Variants in PRKCE observed in about 807,000 individuals in gnomAD.
PRKCE encodes the protein protein kinase C epsilon, also known as protein kinase C epsilon type.
PRKCE carries 16 observed loss-of-function variants against 85.4 expected under a neutral mutation model. The ratio of observed to expected loss-of-function variants is 0.19; its 90% CI spans 0.13 to 0.28. The LOEUF is 0.28. Among genes scored for constraint, PRKCE ranks in the 10% least tolerant of loss-of-function variants. The pLI is 1.00. For synonymous variants in PRKCE, 388 were observed against 371.5 expected (o/e 1.04, Z -0.51); for missense variants, 573 against 975.2 (o/e 0.59, Z 5.49).
At chr2:46,062,102 TC>T (rs1183106106) in intron 10 of PRKCE, among the ~76,000 whole-genome samples, 5 of 152,090 alleles carry the variant, frequency 3.3e-5, no homozygotes, top group Non-Finnish European at 1.5e-5. Context: ...CCTTAGGTGA[TC>T]CACCTGCTTC....
intron 14 of PRKCE, among the ~76,000 whole-genome samples, chr2:46,167,424 A>G (rs1030626643): frequency 2.0e-5 from 3 of 152,134 alleles, no homozygotes; most frequent in African/African-American, 4.8e-5. Flanking sequence ...CAGGAGCCTG[A>G]GGCCAAGGGA....
intron 1 of PRKCE, among the ~76,000 whole-genome samples, chr2:45,764,270 C>T (rs1684735933): frequency 6.6e-6 from 1 of 152,214 alleles, no homozygotes; most frequent in East Asian, 1.9e-4. Flanking sequence ...ATTTAAGTTA[C>T]ACTTCTGCAA....
intron 14 of PRKCE, among the ~76,000 whole-genome samples, chr2:46,165,409 A>C (rs977676945): frequency 6.6e-6 from 1 of 152,198 alleles, no homozygotes; most frequent in Non-Finnish European, 1.5e-5. Context: ...CAGAGCAAGG[A>C]CACACAGTGG....
intron 2 of PRKCE, among the ~76,000 whole-genome samples, chr2:45,954,726 GA>G (rs1411422309): frequency 3.3e-5 from 5 of 152,206 alleles, no homozygotes; most frequent in African/African-American, 1.2e-4. Flanking sequence ...TTACTGTCAA[GA>G]AATGCAAGTA....
intron 1 of PRKCE, among the ~76,000 whole-genome samples, chr2:45,797,494 A>G (rs2105149806): frequency 6.6e-6 from 1 of 152,274 alleles, no homozygotes; most frequent in Non-Finnish European, 1.5e-5. Flanking sequence ...GCCACATCTT[A>G]TGTTTTGCTT....
chr2:45,971,620 C>A (rs1212008152), intron 2 of PRKCE, among the ~76,000 whole-genome samples: 2 of 152,170 alleles, frequency 1.3e-5, no homozygotes, highest in Non-Finnish European at 2.9e-5. Flanking sequence ...AAGACAATCT[C>A]TTTTGAATTA....
rs373450846 is a variant in PRKCE at position 45,963,198 on chromosome 2, G to C, written c.413-13231G>C. ...TCAGTAGGAACCAAAAAACCAGGGA[G>C]AGTAGATTGTGTTATGTAAAATGAG... On this transcript the variant is annotated intron_variant, in intron 2 of 14. Coordinates refer to ENST00000306156, the MANE Select transcript of PRKCE (RefSeq NM_005400.3). 1.4e-4 allele frequency among the ~76,000 whole-genome samples: 22 copies of C among 152,318 alleles called. No individual in the cohort carries two copies. In the East Asian group the frequency reaches 4.1e-3, roughly 28 times the overall value.
At chr2:46,074,051 A>C (rs1206293787) in intron 10 of PRKCE, 1 of 152,132 alleles carries the variant, frequency 6.6e-6, no homozygotes, top group African/African-American at 2.4e-5. Context: ...AGCAACCTAA[A>C]TATTTCCATC....
chr2:46,097,519 C>CAAAAAAAAAAAAAAAAAAAA (rs66634467), intron 11 of PRKCE, among the ~76,000 whole-genome samples: 8 of 94,114 alleles, frequency 8.5e-5, no homozygotes, highest in Non-Finnish European at 1.3e-4. Flanking sequence ...GACTCCGTCT[C>CAAAAAAAAAAAAAAAAAAAA]AAAAAAAAAA....
At chr2:45,954,141 T>C (rs1273112636) in intron 2 of PRKCE, among the ~76,000 whole-genome samples, 2 of 152,324 alleles carry the variant, frequency 1.3e-5, no homozygotes, top group Admixed American at 6.5e-5. Context: ...AAGGTGGCCT[T>C]AGGTGCGCAG....
At chr2:45,660,833 T>C (rs990691267) in intron 1 of PRKCE, among the ~76,000 whole-genome samples, 5 of 152,216 alleles carry the variant, frequency 3.3e-5, no homozygotes, top group Non-Finnish European at 5.9e-5. Flanking sequence ...TCAGAAACCA[T>C]GTGAAGTGGC....
At chr2:46,144,582 C>T (rs934336922) in intron 11 of PRKCE, among the ~76,000 whole-genome samples, 6 of 152,216 alleles carry the variant, frequency 3.9e-5, no homozygotes, top group African/African-American at 1.4e-4. Flanking sequence ...GCCCTCACTG[C>T]CTGCACTAGC....
intron 10 of PRKCE, among the ~76,000 whole-genome samples, chr2:46,070,038 G>A (rs894050514): frequency 1.3e-5 from 2 of 152,168 alleles, no homozygotes; most frequent in Non-Finnish European, 2.9e-5. Flanking sequence ...TTCTTTTCCT[G>A]CTCAGAGGAC....
intron 1 of PRKCE, among the ~76,000 whole-genome samples, chr2:45,653,831 C>T (rs1198116633): frequency 6.6e-6 from 1 of 152,170 alleles, no homozygotes; most frequent in Non-Finnish European, 1.5e-5. Flanking sequence ...GCAGGCAAAC[C>T]TTTATGGAAT....
At position 46,001,800 on chromosome 2, in the gene PRKCE, A is replaced by T. The variant is rs2104731460; in HGVS notation, c.966+254A>T. On this transcript the variant is annotated intron_variant, in intron 7 of 14. Coordinates refer to ENST00000306156, the MANE Select transcript of PRKCE (RefSeq NM_005400.3). The surrounding 1 kb of genome is among the most constrained non-coding windows in gnomAD (Gnocchi z 4.4). ...GTTTGCCAAAGAAACATAAACTTTG[A>T]GATGAGGAATTTGAAATTCCTTCTA... Among the ~76,000 whole-genome samples the T allele has an allele frequency of 6.6e-6, 1 of 152,346 alleles. No individual in the cohort carries two copies. The highest frequency in any genetic ancestry group is 1.9e-4 in the East Asian group (1 of 5,188).
chr2:45,662,059 A>G (rs1675688556), intron 1 of PRKCE, among the ~76,000 whole-genome samples: 1 of 152,104 alleles, frequency 6.6e-6, no homozygotes, highest in African/African-American at 2.4e-5. Context: ...GTCTTGTAGA[A>G]GCTCAAATAG....
chr2:45,768,803 C>T (rs148200056), intron 1 of PRKCE, among the ~76,000 whole-genome samples: 1 of 152,342 alleles, frequency 6.6e-6, no homozygotes, highest in African/African-American at 2.4e-5. Flanking sequence ...GCTTAACACA[C>T]ATTTTACATC....
chr2:46,182,600 C>G (rs1296804596), intron 14 of PRKCE, among the ~76,000 whole-genome samples: 6 of 152,178 alleles, frequency 3.9e-5, no homozygotes, highest in Admixed American at 3.9e-4. Flanking sequence ...ACCTGCTGAC[C>G]TATGCAGCTC....
At chr2:46,091,212 T>C (rs749455392) in intron 11 of PRKCE, among the ~76,000 whole-genome samples, 7 of 152,136 alleles carry the variant, frequency 4.6e-5, no homozygotes, top group Non-Finnish European at 1.0e-4. Context: ...AGATCACCTG[T>C]TTCCACTTTT....
Sources: allele counts gnomAD v4.1 joint callset (sites outside exome capture counted in the v4.1 genomes callset), GRCh38; gene constraint gnomAD v4.1.1; non-coding constraint Gnocchi (gnomAD v3.1); transcripts MANE v1.5; gene names NCBI Gene and HGNC (gene_info 2026-07-23, HGNC 2026-07-21).